The following ANXA4 variants were observed in gnomAD, a reference collection of about 807,000 sequenced individuals.
ANXA4 encodes annexin A4.
Under a neutral mutation model 49.8 loss-of-function variants are expected in ANXA4, and 39 were observed. That is an observed-to-expected ratio of 0.78 (90% CI 0.61 to 1.02). The LOEUF (loss-of-function observed/expected upper bound fraction) is 1.02, where lower values mean the gene tolerates loss of function less well. Ranked by LOEUF, ANXA4 falls within the 50% of genes least tolerant of loss-of-function variation. The probability of loss-of-function intolerance (pLI) is 0.00; values close to 1 mark genes in which losing one functional copy is unlikely to be tolerated. For missense variants in ANXA4, 360 were observed against 410.1 expected (o/e 0.88, Z 1.05); for synonymous variants, 134 against 152.5 (o/e 0.88, Z 0.89).
At chr2:69,695,127 GA>G (rs1166577341) in intron 2 of ANXA4, among the ~76,000 whole-genome samples, 1 of 151,632 alleles carries the variant, frequency 6.6e-6, no homozygotes, top group East Asian at 1.9e-4. Context: ...TTGGGTGACA[GA>G]GCAAGACTCT....
chr2:69,758,928 T>C (rs757074118), intron 1 of ANXA4, among the ~76,000 whole-genome samples: 3 of 151,978 alleles, frequency 2.0e-5, no homozygotes, highest in Non-Finnish European at 2.9e-5. Flanking sequence ...AAGTCAGTAG[T>C]TCAAGACCCG....
At position 69,762,777 on chromosome 2, in the gene ANXA4, G is replaced by A. The variant is rs182244227; in HGVS notation, c.-46-18743G>A. ...TCACAGCTCCTCACCTCAGGGTAGG[G>A]TGTTCTGAATAGATCCCCACATCAG... On this transcript the variant is annotated intron_variant, in intron 1 of 12. Coordinates refer to ENST00000394295, the MANE Select transcript of ANXA4 (RefSeq NM_001153.5). 8.5e-4 allele frequency among the ~76,000 whole-genome samples: 129 copies of A among 152,164 alleles called. 1 individual carries two copies. The highest frequency in any genetic ancestry group is 4.4e-3 in the Admixed American group (67 of 15,270).
At chr2:69,644,058 G>C (rs1675890536), upstream of ANXA4, 1 of 243,708 alleles carries the variant, frequency 4.1e-6, no homozygotes, top group Admixed American at 6.4e-5. Context: ...AGGGCGAGGC[G>C]GCAGCCGTGT....
intron 1 of ANXA4, among the ~76,000 whole-genome samples, chr2:69,646,225 A>G (rs756731580): frequency 6.6e-6 from 1 of 152,232 alleles, no homozygotes; most frequent in Non-Finnish European, 1.5e-5. Flanking sequence ...TGAGTACAAA[A>G]TAATGAACAG....
chr2:69,676,225 G>C (rs1050021338), intron 2 of ANXA4, among the ~76,000 whole-genome samples: 15 of 151,970 alleles, frequency 9.9e-5, no homozygotes, highest in African/African-American at 3.6e-4. Context: ...AGTAGGTTCA[G>C]AAACAAGTGA....
intron 2 of ANXA4, among the ~76,000 whole-genome samples, chr2:69,662,453 G>A (rs1676757068): frequency 6.6e-6 from 1 of 152,014 alleles, no homozygotes; most frequent in African/African-American, 2.4e-5. Flanking sequence ...AGGGGTGGGA[G>A]GGTGCAAAGA....
intron 2 of ANXA4, among the ~76,000 whole-genome samples, chr2:69,656,323 G>GTA (rs1252981532): frequency 1.3e-4 from 11 of 85,624 alleles, no homozygotes; most frequent in Non-Finnish European, 1.9e-4. Context: ...GTATATATAT[G>GTA]TATATATATG....
chr2:69,675,449 G>A (rs2105349149), intron 2 of ANXA4, among the ~76,000 whole-genome samples: 1 of 152,330 alleles, frequency 6.6e-6, no homozygotes, highest in East Asian at 1.9e-4. Context: ...AAAAGGATCT[G>A]TGTGCATTTT....
rs1440445839 is a variant in ANXA4, at chr2:69,820,809, C to T, written c.894C>T (p.Tyr298=). The change falls in exon 12 of 13, where the codon TAC becomes TAT. Residue 298 remains tyrosine (Y), a synonymous_variant. Transcript: ENST00000394295. ...AGAGACTCTATGGAAAGTCTCTGTA[C>T]TCGTTCATCAAGGTAGGTCACAGCA... The part of the protein sequence containing the change: ...HFKRLYGKSL[Y]SFIKGDTSGD... 3 of 1,613,984 alleles carry T rather than the reference C, an allele frequency of 1.9e-6. No individual in the cohort carries two copies. Among genetic ancestry groups the T allele is most frequent in the Non-Finnish European group, 2.5e-6 (3 of 1,179,936 alleles).
rs373624358 is a variant in ANXA4, at chr2:69,816,177, G to A, written c.611G>A (p.Arg204Gln). 5.3e-5 allele frequency: 85 copies of A among 1,614,086 alleles called. No homozygotes were observed. Among genetic ancestry groups the A allele is most frequent in the Middle Eastern group, 1.6e-4 (1 of 6,062 alleles). The change falls in exon 9 of 13, where the codon CGA (arginine) becomes CAA (glutamine). Residue 204 changes from arginine (R) to glutamine (Q), a missense_variant. Transcript: ENST00000394295. Reference sequence around the variant, plus strand: ...CTAACTGTTCTCTGTTCCCGGAACCGAAATCACCTGTTGCATGGTAAGGCA... The same window carrying A: ...CTAACTGTTCTCTGTTCCCGGAACCAAAATCACCTGTTGCATGGTAAGGCA... ...KFLTVLCSRN[R>Q]NHLLHVFDEY...
rs1204833525 is a variant in ANXA4, at chr2:69,649,619, T to C, written n.482-3379T>C. Reference sequence around the variant, plus strand: ...ATTTTCTTTCTTTTTTTTTTTTTTTTTTTTTTTTTTAAGACAGTGTCTCGC... The same window carrying C: ...ATTTTCTTTCTTTTTTTTTTTTTTTCTTTTTTTTTTAAGACAGTGTCTCGC... On this transcript the variant is annotated intron_variant and non_coding_transcript_variant, in intron 1 of 3. Coordinates refer to the ANXA4 transcript ENST00000418066. 2.0e-4 allele frequency among the ~76,000 whole-genome samples: 28 copies of C among 140,612 alleles called. 1 individual carries two copies. Among genetic ancestry groups the C allele is most frequent in the African/African-American group, 6.9e-4 (26 of 37,892 alleles). The allele number at this position is 140,612 out of a possible 152,430, so 92.2% of individuals were successfully genotyped here.
chr2:69,794,881 G>A (rs1573272425), intron 3 of ANXA4, among the ~76,000 whole-genome samples: 1 of 152,160 alleles, frequency 6.6e-6, no homozygotes, highest in African/African-American at 2.4e-5. Context: ...TGGTATAAAG[G>A]GTGAGCCATT....
chr2:69,766,812 C>T (rs1204370537), intron 1 of ANXA4, among the ~76,000 whole-genome samples: 1 of 152,188 alleles, frequency 6.6e-6, no homozygotes, highest in African/African-American at 2.4e-5. Flanking sequence ...GCAAACCCAT[C>T]ACTCGCCTGT....
At chr2:69,788,576 G>A (rs1281486547) in intron 3 of ANXA4, among the ~76,000 whole-genome samples, 1 of 151,862 alleles carries the variant, frequency 6.6e-6, no homozygotes, top group Non-Finnish European at 1.5e-5. Flanking sequence ...GGTGGCTCAC[G>A]CCTGTAATCC....
In ANXA4 at chr2:69,826,918, A is replaced by ACCC. The variant is rs2103925459; in HGVS notation, c.*1403_*1404insCCC. 6.8e-6 allele frequency: 1 copy of ACCC among 147,416 alleles called. No homozygotes were observed. The highest frequency in any genetic ancestry group is 1.5e-5 in the Non-Finnish European group (1 of 68,016). The allele number at this position is 147,416 out of a possible 1,614,324, so 9.1% of individuals were successfully genotyped here. Reference sequence around the variant, plus strand: ...ACTTGTGTTACTCAGTTTCTACAGGAATTACAAGATAAGAAAAAAAAAATC... The same window carrying ACCC: ...ACTTGTGTTACTCAGTTTCTACAGGACCCATTACAAGATAAGAAAAAAAAAATC... On this transcript the variant is annotated 3_prime_UTR_variant, in exon 13 of 13. Transcript: ENST00000394295.
At chr2:69,700,268 G>C (rs1678289781) in intron 2 of ANXA4, 1 of 152,160 alleles carries the variant, frequency 6.6e-6, no homozygotes, top group Non-Finnish European at 1.5e-5. Flanking sequence ...TATAGTCCCA[G>C]CTGCCCAGGA....
At chr2:69,704,755 C>G (rs746185765) in intron 2 of ANXA4, among the ~76,000 whole-genome samples, 17 of 152,128 alleles carry the variant, frequency 1.1e-4, no homozygotes, top group African/African-American at 3.1e-4. Flanking sequence ...CATGGTTGAG[C>G]TCATAGTGTG....
intron 3 of ANXA4, among the ~76,000 whole-genome samples, chr2:69,795,253 G>A (rs1205639322): frequency 6.6e-6 from 1 of 152,172 alleles, no homozygotes; most frequent in African/African-American, 2.4e-5. Context: ...AATCCCTGAG[G>A]CAGCACCATC....
chr2:69,670,158 G>A (rs370042461), intron 2 of ANXA4, among the ~76,000 whole-genome samples: 5 of 152,056 alleles, frequency 3.3e-5, no homozygotes, highest in African/African-American at 1.2e-4. Context: ...AATGACAAAT[G>A]GCCAGGCACG....
Sources: gnomAD v4.1 joint callset for allele counts (sites outside exome capture counted in the v4.1 genomes callset) on GRCh38, gnomAD v4.1.1 for gene constraint, MANE v1.5 for transcripts, NCBI Gene and HGNC (gene_info 2026-07-23, HGNC 2026-07-21) for gene names.